Variants in CUBN observed in about 807,000 individuals in gnomAD.
The protein encoded by CUBN is cubilin.
Under a neutral mutation model 405.3 loss-of-function variants are expected in CUBN, and 282 were observed. The ratio of observed to expected loss-of-function variants is 0.70; its 90% confidence interval spans 0.63 to 0.77. CUBN has a LOEUF of 0.77. CUBN is among the 30% of genes least tolerant of loss of function. The probability of loss-of-function intolerance (pLI) is 0.00; values close to 1 mark genes in which losing one functional copy is unlikely to be tolerated. For missense variants in CUBN, 4,514 were observed against 4,475.2 expected (o/e 1.01, Z -0.25); for synonymous variants, 1,684 against 1,617.0 (o/e 1.04, Z -0.99).
At chr10:17,047,347 C>T in intron 23 of CUBN, 67 bp downstream of exon 23, 1 of 1,328,688 alleles carries the variant, frequency 7.5e-7, no homozygotes, top group South Asian at 1.3e-5. Flanking sequence ...CCTTAATCTT[C>T]CTAGGAAAGA....
chr10:17,115,741 T>C (rs1343241598), intron 6 of CUBN, 144 bp from the exon 7 acceptor site: 15 of 998,982 alleles, frequency 1.5e-5, no homozygotes, highest in African/African-American at 4.7e-5. Flanking sequence ...ATTTACTGAC[T>C]GGAGTCTCGG....
intron 14 of CUBN, among the ~76,000 whole-genome samples, chr10:17,098,317 T>C (rs1836420660): frequency 6.6e-6 from 1 of 152,170 alleles, no homozygotes; most frequent in African/African-American, 2.4e-5. Context: ...TCTTTCCAAA[T>C]TCCTGGCCCA....
chr10:16,865,843 C>G (rs1471643280), intron 59 of CUBN, among the ~76,000 whole-genome samples: 6 of 152,104 alleles, frequency 3.9e-5, no homozygotes, highest in African/African-American at 1.4e-4. Context: ...TACAATAAAC[C>G]CTGCTACCGC....
At position 17,068,213 on chromosome 10, in the gene CUBN, G is replaced by T. The variant is rs776618635; in HGVS notation, c.2859C>A (p.Pro953=). 133 of 1,613,594 alleles carry T rather than the reference G, an allele frequency of 8.2e-5. No homozygotes were observed. Among genetic ancestry groups the T allele is most frequent in the Non-Finnish European group, 1.1e-4 (127 of 1,179,694 alleles). Residue 953 remains proline (P), a synonymous_variant, in exon 21 of 67, where the codon CCC becomes CCA. Coordinates refer to ENST00000377833, the MANE Select transcript of CUBN (RefSeq NM_001081.4). ...TATGCCAAGTACAGTTGATACCGTG[G>T]GGGTAGACATTTGGATGGCCAGGAC... The part of the protein sequence containing the change: ...IQSPGHPNVY[P]HGINCTWHIL...
intron 2 of CUBN, among the ~76,000 whole-genome samples, chr10:17,128,880 A>C (rs1837258830): frequency 1.3e-5 from 2 of 152,226 alleles, no homozygotes; most frequent in Non-Finnish European, 2.9e-5. Context: ...TGTACATTTC[A>C]AAATAACTAG....
chr10:16,905,658 T>C (rs1841533289), intron 50 of CUBN, among the ~76,000 whole-genome samples: 1 of 152,010 alleles, frequency 6.6e-6, no homozygotes, highest in Non-Finnish European at 1.5e-5. Context: ...TAACACAGAG[T>C]CTAGTTGTAC....
Position 17,084,312 on chromosome 10 carries a change from C to G in CUBN, c.2260G>C (p.Glu754Gln). ...GAACTGTCACTCTGGCATTGCAGCT[C>G]CACGTGGGTGAAGTTGATTTGTATT... ...EQIQINFTHVELQCQSDSSQN... is the reference protein window; with the variant it reads ...EQIQINFTHVQLQCQSDSSQN... The change falls in exon 17 of 67, where the codon GAG (glutamate) becomes CAG (glutamine). Residue 754 changes from glutamate to glutamine, a missense_variant. By Grantham distance (29) the Glu-to-Gln change is conservative. This residue lies in a region of CUBN where 1,448 missense variants were observed against 1,388.0 expected (regional missense o/e 1.04). Coordinates refer to ENST00000377833, the MANE Select transcript of CUBN (RefSeq NM_001081.4). The G allele has an allele frequency of 6.2e-7, 1 of 1,614,102 alleles. No homozygotes were observed. The highest frequency in any genetic ancestry group is 8.5e-7 in the Non-Finnish European group (1 of 1,180,024).
intron 19 of CUBN, 46 bp downstream of exon 19, chr10:17,071,380 T>A (rs767044441): frequency 4.4e-6 from 7 of 1,580,180 alleles, no homozygotes; most frequent in Non-Finnish European, 5.2e-6. Flanking sequence ...TAATATTTTT[T>A]ATAATATACA....
At chr10:16,894,605 T>C (rs1248422918) in intron 54 of CUBN, among the ~76,000 whole-genome samples, 1 of 152,226 alleles carries the variant, frequency 6.6e-6, no homozygotes, top group African/African-American at 2.4e-5. Context: ...CTTAGATAAG[T>C]AAGCCTAGGT....
intron 22 of CUBN, among the ~76,000 whole-genome samples, chr10:17,061,326 T>G (rs1835500700): frequency 6.6e-6 from 1 of 152,168 alleles, no homozygotes; most frequent in Admixed American, 6.5e-5. Flanking sequence ...TAGAACCCCT[T>G]GAATTGCTTG....
chr10:16,838,629 A>G (rs1163068636), intron 62 of CUBN, among the ~76,000 whole-genome samples: 1 of 152,140 alleles, frequency 6.6e-6, no homozygotes, highest in African/African-American at 2.4e-5. Flanking sequence ...AGCCTTTTTT[A>G]AAGCTCAAAA....
intron 39 of CUBN, among the ~76,000 whole-genome samples, chr10:16,934,382 T>C (rs1432395095): frequency 6.6e-6 from 1 of 152,196 alleles, no homozygotes; most frequent in Non-Finnish European, 1.5e-5. Context: ...TATGTTTGAA[T>C]CTTATCAGGG....
rs114610645 is a variant in CUBN, at chr10:17,073,379, T to C, written c.2302-1408A>G. 8.7e-3 allele frequency among the ~76,000 whole-genome samples: 1,325 copies of C among 152,124 alleles called. 21 individuals are homozygous for C. The highest frequency in any genetic ancestry group is 0.031 in the African/African-American group (1,277 of 41,512). Reference sequence around the variant, plus strand: ...CAAAAAACATTGTTAGCATTCCTGTTTTATTAGAAAAAAAAGGAATTTCCT... The same window carrying C: ...CAAAAAACATTGTTAGCATTCCTGTCTTATTAGAAAAAAAAGGAATTTCCT... On this transcript the variant is annotated intron_variant, in intron 17 of 66. Transcript: ENST00000377833.
intron 21 of CUBN, among the ~76,000 whole-genome samples, chr10:17,067,373 A>G (rs1245367010): frequency 6.6e-6 from 1 of 152,170 alleles, no homozygotes; most frequent in Non-Finnish European, 1.5e-5. Context: ...AAGATGAAAA[A>G]TACACTTGGT....
intron 59 of CUBN, among the ~76,000 whole-genome samples, chr10:16,866,790 A>C (rs1840198512): frequency 6.6e-6 from 1 of 152,140 alleles, no homozygotes; most frequent in Admixed American, 6.5e-5. Flanking sequence ...TGCTTGCCAA[A>C]TGTGCTTTCT....
At chr10:16,945,817 G>C (rs1483198059) in intron 36 of CUBN, among the ~76,000 whole-genome samples, 1 of 151,396 alleles carries the variant, frequency 6.6e-6, no homozygotes, top group Non-Finnish European at 1.5e-5. Context: ...CTTCCTGTGA[G>C]GCAGCTTAAA....
intron 62 of CUBN, among the ~76,000 whole-genome samples, chr10:16,838,674 T>C (rs980059219): frequency 1.1e-4 from 16 of 152,348 alleles, no homozygotes; most frequent in African/African-American, 3.4e-4. Flanking sequence ...AGACGAAGTC[T>C]CACTCTGTCA....
At chr10:16,913,646 T>G (rs1841795501) in intron 48 of CUBN, among the ~76,000 whole-genome samples, 165 bp downstream of exon 48, 1 of 152,254 alleles carries the variant, frequency 6.6e-6, no homozygotes, top group Non-Finnish European at 1.5e-5. Flanking sequence ...ACAATTATTT[T>G]GACAGGTTAC....
intron 51 of CUBN, among the ~76,000 whole-genome samples, chr10:16,901,935 A>ACACC (rs1250892681): frequency 5.1e-5 from 7 of 137,300 alleles, no homozygotes; most frequent in African/African-American, 1.7e-4. Flanking sequence ...ACACACACAC[A>ACACC]CCATATATAG....
Sources: allele counts gnomAD v4.1 joint callset (sites outside exome capture counted in the v4.1 genomes callset), GRCh38; gene constraint gnomAD v4.1.1; regional missense constraint gnomAD v4.1.1; transcripts MANE v1.5; gene names NCBI Gene and HGNC (gene_info 2026-07-23, HGNC 2026-07-21).